The following SIRT1 variants were observed in gnomAD, a reference collection of about 807,000 sequenced individuals.
SIRT1 encodes sirtuin 1.
Under a neutral mutation model 67.9 loss-of-function variants are expected in SIRT1, and 24 were observed. The observed-to-expected ratio is 0.35, with a 90% CI of 0.26 to 0.50. SIRT1 has a LOEUF of 0.50. Ranked by LOEUF, SIRT1 falls within the 20% of genes least tolerant of loss-of-function variation. The pLI is 0.98. For synonymous variants in SIRT1, 378 were observed against 350.7 expected, an observed-to-expected ratio of 1.08 and a Z score of -0.87; for missense variants, 873 against 937.2, an observed-to-expected ratio of 0.93 and a Z score of 0.89.
chr10:67,903,743 A>AT (rs1215557355), intron 4 of SIRT1, among the ~76,000 whole-genome samples: 3 of 152,140 alleles, frequency 2.0e-5, no homozygotes, highest in African/African-American at 7.2e-5. Context: ...CCTATGGCCA[A>AT]TTCCTGGATT....
intron 4 of SIRT1, among the ~76,000 whole-genome samples, chr10:67,897,597 T>C (rs1341045428): frequency 6.6e-6 from 1 of 151,716 alleles, no homozygotes; most frequent in Non-Finnish European, 1.5e-5. Context: ...CTCTTGACCT[T>C]GTGATTCACC....
intron 4 of SIRT1, 85 bp from the exon 5 acceptor site, chr10:67,906,705 G>T: frequency 7.7e-7 from 1 of 1,294,034 alleles, no homozygotes; most frequent in Admixed American, 2.1e-5. Flanking sequence ...ATGTGTGTGG[G>T]ATTATCAGTA....
chr10:67,886,193 G>T (rs1416123735), intron 1 of SIRT1, among the ~76,000 whole-genome samples: 2 of 151,794 alleles, frequency 1.3e-5, no homozygotes, highest in African/African-American at 4.8e-5. Context: ...CGTCCGCCTC[G>T]GCCGCCCAAA....
intron 4 of SIRT1, among the ~76,000 whole-genome samples, chr10:67,902,256 T>C (rs1016422316): frequency 1.3e-5 from 2 of 152,232 alleles, no homozygotes; most frequent in Admixed American, 1.3e-4. Context: ...CCCAAAGTGC[T>C]GGGATTACAG....
At chr10:67,915,180 T>G (rs1018998202) in intron 8 of SIRT1, among the ~76,000 whole-genome samples, 2 of 152,138 alleles carry the variant, frequency 1.3e-5, no homozygotes, top group African/African-American at 4.8e-5. Context: ...TGGGTCATGA[T>G]GCAGTATGAA....
rs148700975 is a variant in SIRT1, at chr10:67,888,895, T to C, written c.561T>C (p.Phe187=). ...TPRPRIGPYT[F]VQQHLMIGTD... ...CCCTTATTGTAGGTCCATATACTTT[T>C]GTTCAGCAACATCTTATGATTGGCA... is the stretch of plus-strand genomic sequence containing the variant. The change falls in exon 3 of 9, where the codon TTT becomes TTC. Residue 187 remains phenylalanine (F), a synonymous_variant. Coordinates refer to ENST00000212015, the MANE Select transcript of SIRT1 (RefSeq NM_012238.5). 699 of 1,611,846 alleles carry C rather than the reference T, an allele frequency of 4.3e-4. 1 individual carries two copies. Among genetic ancestry groups the C allele is most frequent in the Non-Finnish European group, 5.8e-4 (680 of 1,178,584 alleles).
At chr10:67,911,606 C>T (rs547638282) in intron 7 of SIRT1, among the ~76,000 whole-genome samples, 2 of 126,390 alleles carry the variant, frequency 1.6e-5, no homozygotes, top group African/African-American at 5.8e-5. Context: ...TGACTTTTTC[C>T]CTCCCCCCCT....
At position 67,914,128 on chromosome 10, in the gene SIRT1, G is replaced by C. The variant is rs944472865; in HGVS notation, c.1915+1097G>C. Among the ~76,000 whole-genome samples the C allele has an allele frequency of 2.7e-4, 36 of 133,806 alleles. No homozygotes were observed. The Admixed American group carries it at 2.7e-3, about 10-fold the overall frequency. 87.8% of individuals were successfully genotyped at this position (133,806 alleles called of 152,430 possible). On this transcript the variant is annotated intron_variant, in intron 8 of 8. Coordinates refer to ENST00000212015, the MANE Select transcript of SIRT1 (RefSeq NM_012238.5). ...ACTCTGTCGCCCAGGCTGGAGTGCAGTGGCACGATCTCAGCTCACTGCAAC... is the reference window on the plus strand; with the variant it reads ...ACTCTGTCGCCCAGGCTGGAGTGCACTGGCACGATCTCAGCTCACTGCAAC...
chr10:67,888,570 T>A lies in SIRT1; in HGVS notation c.548-312T>A, dbSNP rs563016703. 7.2e-5 allele frequency among the ~76,000 whole-genome samples: 11 copies of A among 152,336 alleles called. No individual in the cohort carries two copies. The East Asian group carries it at 1.9e-3, about 27-fold the overall frequency. On this transcript the variant is annotated intron_variant, in intron 2 of 8. Coordinates refer to ENST00000212015, the MANE Select transcript of SIRT1 (RefSeq NM_012238.5). ...TTTTCTATGTCGTAGAACCCTTTTGTAAATACTTTTGGTATTATGGTGTGT... is the reference window on the plus strand; with the variant it reads ...TTTTCTATGTCGTAGAACCCTTTTGAAAATACTTTTGGTATTATGGTGTGT...
intron 4 of SIRT1, among the ~76,000 whole-genome samples, chr10:67,892,260 T>C (rs1286242373): frequency 6.6e-6 from 1 of 152,202 alleles, no homozygotes; most frequent in Non-Finnish European, 1.5e-5. Flanking sequence ...GAAATACTTT[T>C]GATATTGGGT....
At chr10:67,908,763 A>G (rs906998837) in intron 6 of SIRT1, among the ~76,000 whole-genome samples, 1 of 152,124 alleles carries the variant, frequency 6.6e-6, no homozygotes, top group Non-Finnish European at 1.5e-5. Flanking sequence ...TTAGCCTGGC[A>G]TGGTGGCATA....
At position 67,906,070 on chromosome 10, in the gene SIRT1, A is replaced by G. The variant is rs1842816636; in HGVS notation, c.943-720A>G. The G allele has an allele frequency of 7.3e-6, 8 of 1,099,806 alleles. No homozygotes were observed. In the Middle Eastern group the frequency reaches 8.7e-4, roughly 120 times the overall value. The allele number at this position is 1,099,806 out of a possible 1,614,324, so 68.1% of individuals were successfully genotyped here. On this transcript the variant is annotated intron_variant, in intron 4 of 8. Coordinates refer to ENST00000212015, the MANE Select transcript of SIRT1 (RefSeq NM_012238.5). ...ATAGTCACTTACTAAATGGAATTTA[A>G]TAAAAACACTGTCAAAAGTTGGGAG...
Position 67,917,424 on chromosome 10 carries a change from T to C in SIRT1, c.*831T>C, listed in dbSNP as rs190285590. On this transcript the variant is annotated 3_prime_UTR_variant, in exon 9 of 9. Transcript: ENST00000212015. ...CCCTTAGTTTTGAAATATTTGCCAT[T>C]GTTGTTTAAATACCTATCACTGTGG... 1 of 152,756 alleles carries C rather than the reference T, an allele frequency of 6.5e-6. No homozygotes were observed. Among genetic ancestry groups the C allele is most frequent in the East Asian group, 1.9e-4 (1 of 5,194 alleles). The allele number at this position is 152,756 out of a possible 1,614,324, so 9.5% of individuals were successfully genotyped here.
At chr10:67,885,478 C>T in intron 1 of SIRT1, 21 of 963,490 alleles carry the variant, frequency 2.2e-5, no homozygotes, top group Non-Finnish European at 2.6e-5. Flanking sequence ...TTTGTTAGAG[C>T]TTTTTTTTTC....
intron 4 of SIRT1, among the ~76,000 whole-genome samples, chr10:67,901,855 CATG>C (rs771566211): frequency 2.0e-5 from 3 of 152,192 alleles, no homozygotes; most frequent in Admixed American, 6.5e-5. Flanking sequence ...TGGTGTACAA[CATG>C]ATGTTTTGAT....
At chr10:67,915,290 C>T (rs945084670) in intron 8 of SIRT1, among the ~76,000 whole-genome samples, 5 of 152,278 alleles carry the variant, frequency 3.3e-5, no homozygotes, top group Non-Finnish European at 4.4e-5. Context: ...ACAATAAATA[C>T]TACATCTATT....
intron 4 of SIRT1, among the ~76,000 whole-genome samples, chr10:67,901,474 A>T (rs1842744017): frequency 1.3e-5 from 2 of 152,164 alleles, no homozygotes; most frequent in Non-Finnish European, 2.9e-5. Context: ...CAGCTGGATC[A>T]GCAAACTTTC....
rs753637117 is a variant in SIRT1 at position 67,912,820 on chromosome 10, G to A, written c.1704G>A (p.Val568=). ...CTAAGAGTAATGATGATTTAGATGT[G>A]TCTGAATCAAAAGGTTGTATGGAAG... ...QAAKSNDDLD[V]SESKGCMEEK... Residue 568 remains valine (V), a synonymous_variant, in exon 8 of 9, where the codon GTG becomes GTA. Coordinates refer to ENST00000212015, the MANE Select transcript of SIRT1 (RefSeq NM_012238.5). 4 of 1,614,048 alleles carry A rather than the reference G, an allele frequency of 2.5e-6. No individual in the cohort carries two copies. The highest frequency in any genetic ancestry group is 3.4e-6 in the Non-Finnish European group (4 of 1,179,990).
At chr10:67,901,191 C>G (rs568035538) in intron 4 of SIRT1, among the ~76,000 whole-genome samples, 126 of 151,884 alleles carry the variant, frequency 8.3e-4, no homozygotes, top group African/African-American at 2.9e-3. Context: ...TAGTCTTGCT[C>G]TGACACCCAG....
Sources: allele counts gnomAD v4.1 joint callset (sites outside exome capture counted in the v4.1 genomes callset), GRCh38; gene constraint gnomAD v4.1.1; transcripts MANE v1.5; gene names NCBI Gene and HGNC (gene_info 2026-07-23, HGNC 2026-07-21).